The following MSRB3 variants were observed in gnomAD, a reference collection of about 807,000 sequenced individuals.
MSRB3 encodes methionine sulfoxide reductase B3.
MSRB3 carries 13 observed loss-of-function variants against 21.0 expected under a neutral mutation model. That is an observed-to-expected ratio of 0.62 (90% CI 0.40 to 0.98). The LOEUF (loss-of-function observed/expected upper bound fraction) is 0.98. MSRB3 is among the 50% of genes least tolerant of loss of function. MSRB3 has a pLI of 0.00. For synonymous variants in MSRB3, 87 were observed against 88.6 expected (o/e 0.98, Z 0.10); for missense variants, 199 against 230.3 (o/e 0.86, Z 0.88).
intron 4 of MSRB3, among the ~76,000 whole-genome samples, chr12:65,347,796 G>C (rs887071919): frequency 1.3e-5 from 2 of 152,052 alleles, no homozygotes; most frequent in Admixed American, 6.6e-5. Flanking sequence ...TTAGCACGAA[G>C]GTTGTTGAAT....
At chr12:65,297,078 A>G (rs1873014065) in intron 1 of MSRB3, among the ~76,000 whole-genome samples, 1 of 152,214 alleles carries the variant, frequency 6.6e-6, no homozygotes, top group Admixed American at 6.5e-5. Flanking sequence ...AGGGACATGG[A>G]TGGAGCTGGA....
chr12:65,297,564 AAAGT>A (rs1457991467), intron 1 of MSRB3, among the ~76,000 whole-genome samples: 10 of 152,220 alleles, frequency 6.6e-5, no homozygotes, highest in African/African-American at 2.4e-4. Context: ...TAGTAGAAAT[AAAGT>A]AAGGGACAAG....
intron 5 of MSRB3, among the ~76,000 whole-genome samples, chr12:65,381,215 A>G (rs1032027305): frequency 5.3e-5 from 8 of 152,210 alleles, no homozygotes; most frequent in Admixed American, 3.9e-4. Context: ...TATTTTTAAC[A>G]TAGATCAAAA....
chr12:65,279,183 G>A (rs1236137035), intron 1 of MSRB3: 10 of 771,872 alleles, frequency 1.3e-5, no homozygotes, highest in Middle Eastern at 4.6e-4. Context: ...CGCCCCGCGC[G>A]GGCCCAGGAG....
chr12:65,296,169 G>A (rs1285354170), intron 1 of MSRB3, among the ~76,000 whole-genome samples: 3 of 152,134 alleles, frequency 2.0e-5, no homozygotes, highest in African/African-American at 7.2e-5. Flanking sequence ...CAAATATAAT[G>A]ATTTCTCTGA....
chr12:65,420,705 A>G (rs1881246445), intron 5 of MSRB3, among the ~76,000 whole-genome samples: 1 of 152,094 alleles, frequency 6.6e-6, no homozygotes, highest in African/African-American at 2.4e-5. Context: ...TTTAGCTCCC[A>G]CTTATAAGTG....
At chr12:65,446,178 G>A (rs10878279) in intron 5 of MSRB3, among the ~76,000 whole-genome samples, 33,833 of 152,140 alleles carry the variant, frequency 0.22, 4,793 homozygotes, top group Non-Finnish European at 0.3. Flanking sequence ...AAGAAATACA[G>A]AAATTCTCAA....
At chr12:65,295,543 G>A (rs936887705) in intron 1 of MSRB3, among the ~76,000 whole-genome samples, 21 of 151,690 alleles carry the variant, frequency 1.4e-4, no homozygotes, top group Admixed American at 2.6e-4. Context: ...ACATTTTTGA[G>A]TTGATGTCTC....
intron 5 of MSRB3, chr12:65,419,844 C>T: frequency 1.5e-6 from 1 of 681,498 alleles, no homozygotes; most frequent in African/African-American, 1.8e-5. Context: ...GCCCCTGGAC[C>T]CCAAGCAGCC....
At chr12:65,368,575 G>T (rs916990603) in intron 4 of MSRB3, among the ~76,000 whole-genome samples, 4 of 152,104 alleles carry the variant, frequency 2.6e-5, no homozygotes, top group African/African-American at 7.2e-5. Context: ...AGGTTCATTT[G>T]CTGTGTGCTA....
intron 5 of MSRB3, among the ~76,000 whole-genome samples, chr12:65,394,493 A>G (rs1368704007): frequency 6.6e-6 from 1 of 152,236 alleles, no homozygotes; most frequent in Non-Finnish European, 1.5e-5. Context: ...GTATCACTTC[A>G]CTGATAAATT....
chr12:65,308,833 A>C lies in MSRB3; in HGVS notation c.76+178A>C, dbSNP rs1041304051. 5.2e-6 allele frequency: 4 copies of C among 773,020 alleles called. No individual in the cohort carries two copies. The African/African-American group carries it at 6.9e-5, about 13-fold the overall frequency. The allele number at this position is 773,020 out of a possible 1,614,324, so 47.9% of individuals were successfully genotyped here. On this transcript the variant is annotated intron_variant, in intron 2 of 6. Transcript: ENST00000308259. ...TACTTTGAGTAACATTCATTTCCAC[A>C]ATCCTTACAACCCTTGGAACATTGT...
At position 65,326,894 on chromosome 12, in the gene MSRB3, C is replaced by T; in HGVS notation, c.145C>T (p.Pro49Ser). 4 of 1,613,900 alleles carry T rather than the reference C, an allele frequency of 2.5e-6. No homozygotes were observed. In the South Asian group the frequency reaches 3.3e-5, roughly 13 times the overall value. The change falls in exon 3 of 7, where the codon CCC becomes TCC. Residue 49 changes from proline to serine, a missense_variant. Coordinates refer to ENST00000308259, the MANE Select transcript of MSRB3 (RefSeq NM_001031679.3). ...GCAGGAACTGAGGAAGCGGCTAACA[C>T]CCCTGCAGTACCATGTCACTCAGGA... ...SQQELRKRLTPLQYHVTQEKG... is the reference protein window; with the variant it reads ...SQQELRKRLTSLQYHVTQEKG...
chr12:65,327,014 T>C, intron 3 of MSRB3, 80 bp downstream of exon 3: 6 of 1,019,616 alleles, frequency 5.9e-6, no homozygotes, highest in Non-Finnish European at 9.1e-6. Flanking sequence ...TCCTTGCCAA[T>C]TAATTTAAAG....
chr12:65,439,637 AAACATTAAACTTAAAGG>A (rs1882282212), intron 5 of MSRB3, among the ~76,000 whole-genome samples: 1 of 151,672 alleles, frequency 6.6e-6, no homozygotes, highest in African/African-American at 2.4e-5. Context: ...GGGGTACAAT[AAACATTAAACTTAAAGG>A]AAATGTTGTA....
chr12:65,290,553 G>A (rs756833371), intron 1 of MSRB3, among the ~76,000 whole-genome samples: 1 of 152,120 alleles, frequency 6.6e-6, no homozygotes, highest in African/African-American at 2.4e-5. Context: ...TTGTTCTACA[G>A]GTCTTTTAAA....
intron 5 of MSRB3, among the ~76,000 whole-genome samples, chr12:65,425,066 G>A (rs1408597726): frequency 2.5e-4 from 1 of 4,032 alleles, no homozygotes; most frequent in African/African-American, 7.7e-4. Context: ...ATTTACAGTA[G>A]TTATATGCTC....
chr12:65,292,124 C>A (rs1438173242), intron 1 of MSRB3, among the ~76,000 whole-genome samples: 1 of 152,164 alleles, frequency 6.6e-6, no homozygotes, highest in Non-Finnish European at 1.5e-5. Context: ...TTGGTTGAAG[C>A]CACTAATGGT....
intron 1 of MSRB3, among the ~76,000 whole-genome samples, chr12:65,293,071 C>CAAGCTG (rs1051345612): frequency 8.5e-5 from 13 of 152,306 alleles, no homozygotes; most frequent in African/African-American, 3.1e-4. Flanking sequence ...AAACACATCA[C>CAAGCTG]AAGCTGAACT....
Sources: allele counts gnomAD v4.1 joint callset (sites outside exome capture counted in the v4.1 genomes callset), GRCh38; gene constraint gnomAD v4.1.1; transcripts MANE v1.5; gene names NCBI Gene and HGNC (gene_info 2026-07-23, HGNC 2026-07-21).